WWOX: variants seen among roughly 807,000 people sequenced by gnomAD.
WWOX encodes the protein WW domain containing oxidoreductase.
In WWOX, 69 loss-of-function variants were observed where a neutral mutation model predicts 46.2. The ratio of observed to expected loss-of-function variants is 1.49; its 90% CI spans 1.23 to 1.82. WWOX has a LOEUF of 1.82. WWOX is among the 40% of genes most tolerant of loss of function. WWOX has a pLI of 0.00. For synonymous variants in WWOX, 359 were observed against 202.6 expected (o/e 1.77, Z -6.56); for missense variants, 919 against 542.6 (o/e 1.69, Z -6.89).
chr16:78,169,614 C>T (rs184525174), intron 5 of WWOX, among the ~76,000 whole-genome samples: 1 of 152,172 alleles, frequency 6.6e-6, no homozygotes, highest in African/African-American at 2.4e-5. Context: ...CCTCCTTCTT[C>T]TGTTTCTATT....
At chr16:79,116,026 G>A (rs1411080003) in intron 8 of WWOX, among the ~76,000 whole-genome samples, 3 of 152,142 alleles carry the variant, frequency 2.0e-5, no homozygotes, top group Non-Finnish European at 2.9e-5. Flanking sequence ...TTGCTTACAC[G>A]ATATAATAGA....
chr16:78,355,340 C>T (rs940377085), intron 5 of WWOX, among the ~76,000 whole-genome samples: 65 of 152,040 alleles, frequency 4.3e-4, no homozygotes, highest in Non-Finnish European at 2.2e-4. Flanking sequence ...CAGTGGCTCA[C>T]GCCTGTAATC....
At chr16:78,301,660 C>T (rs1037264292) in intron 5 of WWOX, among the ~76,000 whole-genome samples, 4 of 152,144 alleles carry the variant, frequency 2.6e-5, no homozygotes, top group African/African-American at 9.7e-5. Flanking sequence ...GGTTAAAAAA[C>T]AAACCCTCCA....
chr16:78,560,989 G>A (rs1195369105), intron 8 of WWOX, among the ~76,000 whole-genome samples: 1 of 152,270 alleles, frequency 6.6e-6, no homozygotes, highest in African/African-American at 2.4e-5. Flanking sequence ...TCTCTGCTCA[G>A]GGTCTCTTGG....
rs988306914 is a variant in WWOX at position 78,749,821 on chromosome 16, G to A, written c.1056+317069G>A. ...TATTTAACCAGGCTTTTTATAAACT[G>A]TTCCTCTTAACACCTCAAGCTGACA... On this transcript the variant is annotated intron_variant, in intron 8 of 8. Transcript: ENST00000566780. Among the ~76,000 whole-genome samples, 5 of 152,140 alleles carry A rather than the reference G, an allele frequency of 3.3e-5. No individual in the cohort carries two copies. In the East Asian group the frequency reaches 9.6e-4, roughly 29 times the overall value.
chr16:78,425,179 T>C (rs2083047664), intron 7 of WWOX, 124 bp downstream of exon 7: 1 of 1,312,370 alleles, frequency 7.6e-7, no homozygotes. Flanking sequence ...TGGACTCAGC[T>C]TGGCTCACTT....
chr16:78,370,227 A>G (rs2081640657), intron 5 of WWOX, among the ~76,000 whole-genome samples: 2 of 151,828 alleles, frequency 1.3e-5, no homozygotes, highest in South Asian at 2.1e-4. Flanking sequence ...TCTCTTTACA[A>G]TCTGGGGCAA....
intron 8 of WWOX, among the ~76,000 whole-genome samples, chr16:79,054,814 T>G (rs780475441): frequency 2.0e-4 from 30 of 152,158 alleles, no homozygotes; most frequent in Non-Finnish European, 1.2e-4. Context: ...TGAAAGAGTA[T>G]GACCTTTGTC....
chr16:78,888,246 C>G (rs1022882440), intron 8 of WWOX, among the ~76,000 whole-genome samples: 9 of 152,150 alleles, frequency 5.9e-5, no homozygotes, highest in Admixed American at 2.0e-4. Flanking sequence ...TTGTGCTTTG[C>G]TTCTCCCTTC....
chr16:78,941,877 A>G (rs2045858819), intron 8 of WWOX, among the ~76,000 whole-genome samples: 1 of 152,014 alleles, frequency 6.6e-6, no homozygotes, highest in Non-Finnish European at 1.5e-5. Context: ...TTGCCCACTT[A>G]TTTAGGCCTT....
At chr16:78,419,798 T>C (rs1054415696) in intron 6 of WWOX, among the ~76,000 whole-genome samples, 3 of 152,024 alleles carry the variant, frequency 2.0e-5, no homozygotes, top group African/African-American at 7.2e-5. Context: ...ATATCCAGAA[T>C]GATCCAGAAT....
intron 8 of WWOX, among the ~76,000 whole-genome samples, chr16:78,907,867 A>G (rs1369294081): frequency 6.6e-6 from 1 of 152,152 alleles, no homozygotes; most frequent in Non-Finnish European, 1.5e-5. Flanking sequence ...AGCAAGTTCC[A>G]AAGCCCGTGG....
At chr16:78,639,303 G>A (rs2046648053) in intron 8 of WWOX, among the ~76,000 whole-genome samples, 1 of 152,318 alleles carries the variant, frequency 6.6e-6, no homozygotes, top group East Asian at 1.9e-4. Context: ...CCCAAGCTGG[G>A]TCAGTCCTTA....
intron 8 of WWOX, among the ~76,000 whole-genome samples, chr16:78,448,113 T>C (rs559526969): frequency 1.3e-5 from 2 of 152,160 alleles, no homozygotes; most frequent in Non-Finnish European, 2.9e-5. Flanking sequence ...CTAGAAACTA[T>C]TATTAATAGA....
chr16:79,187,519 G>C (rs964274804), intron 8 of WWOX, among the ~76,000 whole-genome samples: 2 of 152,166 alleles, frequency 1.3e-5, no homozygotes, highest in African/African-American at 2.4e-5. Flanking sequence ...TCCTGCCTCA[G>C]CCTCCCAAGT....
intron 8 of WWOX, among the ~76,000 whole-genome samples, chr16:79,170,329 G>A (rs1325237696): frequency 6.6e-6 from 1 of 152,152 alleles, no homozygotes; most frequent in Non-Finnish European, 1.5e-5. Flanking sequence ...ATCTATGCAA[G>A]GTCCCCCAGC....
intron 8 of WWOX, among the ~76,000 whole-genome samples, chr16:78,822,990 G>A (rs2051546105): frequency 6.6e-6 from 1 of 152,096 alleles, no homozygotes; most frequent in African/African-American, 2.4e-5. Context: ...GTAAATTTGT[G>A]AATAAATCTG....
chr16:78,543,999 C>T (rs535015230), intron 8 of WWOX, among the ~76,000 whole-genome samples: 5 of 152,280 alleles, frequency 3.3e-5, no homozygotes, highest in African/African-American at 1.2e-4. Flanking sequence ...TGTAGATAGA[C>T]TTACATCCCT....
At position 79,054,044 on chromosome 16, in the gene WWOX, C is replaced by G. The variant is rs958885358; in HGVS notation, c.1057-157564C>G. ...GAACAGTGCTTGCAAATTTTATTAC[C>G]TCATTATAATTGATACCTGCTCTCT... On this transcript the variant is annotated intron_variant, in intron 8 of 8. Coordinates refer to ENST00000566780, the MANE Select transcript of WWOX (RefSeq NM_016373.4). Among the ~76,000 whole-genome samples, 11 of 151,802 alleles carry G rather than the reference C, an allele frequency of 7.2e-5. No homozygotes were observed. In the East Asian group the frequency reaches 1.5e-3, roughly 21 times the overall value.
Sources: allele counts gnomAD v4.1 joint callset (sites outside exome capture counted in the v4.1 genomes callset), GRCh38; gene constraint gnomAD v4.1.1; transcripts MANE v1.5; gene names NCBI Gene and HGNC (gene_info 2026-07-23, HGNC 2026-07-21).